ADAMTS16: variants seen among roughly 807,000 people sequenced by gnomAD.
ADAMTS16 encodes A disintegrin and metalloproteinase with thrombospondin motifs 16.
Under a neutral mutation model 145.8 loss-of-function variants are expected in ADAMTS16, and 94 were observed. The ratio of observed to expected loss-of-function variants is 0.64; its 90% CI spans 0.55 to 0.77. ADAMTS16 has a LOEUF of 0.77. Ranked by LOEUF, ADAMTS16 falls within the 30% of genes least tolerant of loss-of-function variation. ADAMTS16 has a pLI of 0.00. For synonymous variants in ADAMTS16, 659 were observed against 604.3 expected, an observed-to-expected ratio of 1.09 and a Z score of -1.33; for missense variants, 1,585 against 1,591.5, an observed-to-expected ratio of 1.00 and a Z score of 0.07.
chr5:5,142,679 A>G (rs1352925127), intron 2 of ADAMTS16, among the ~76,000 whole-genome samples: 4 of 152,168 alleles, frequency 2.6e-5, no homozygotes, highest in South Asian at 2.1e-4. Context: ...GTAGCCATAC[A>G]TTTTGTTTAA....
intron 6 of ADAMTS16, among the ~76,000 whole-genome samples, chr5:5,189,684 A>G (rs1344150526): frequency 1.3e-5 from 2 of 152,222 alleles, no homozygotes; most frequent in East Asian, 1.9e-4. Flanking sequence ...AAAACAAAAA[A>G]TTCATGCACA....
chr5:5,309,066 T>C (rs1740307740), intron 21 of ADAMTS16, among the ~76,000 whole-genome samples: 1 of 152,140 alleles, frequency 6.6e-6, no homozygotes, highest in African/African-American at 2.4e-5. Context: ...TTTACCAGTG[T>C]GCATATTCAC....
chr5:5,302,779 T>G (rs1739838671), intron 18 of ADAMTS16, among the ~76,000 whole-genome samples: 3 of 152,170 alleles, frequency 2.0e-5, no homozygotes, highest in Non-Finnish European at 4.4e-5. Flanking sequence ...GCTCTAGATG[T>G]TATGGTGATA....
intron 20 of ADAMTS16, 135 bp from the exon 21 acceptor site, chr5:5,306,369 G>T: frequency 1.3e-6 from 1 of 774,568 alleles, no homozygotes; most frequent in Non-Finnish European, 2.1e-6. Flanking sequence ...TCTTAAAAAT[G>T]CTAAGGTCCA....
chr5:5,160,714 G>T (rs577366272), intron 3 of ADAMTS16, among the ~76,000 whole-genome samples: 1 of 150,344 alleles, frequency 6.7e-6, no homozygotes, highest in South Asian at 2.1e-4. Context: ...TAGTGAAAGT[G>T]CACCTGATCT....
At chr5:5,152,875 T>C (rs1734511903) in intron 3 of ADAMTS16, among the ~76,000 whole-genome samples, 1 of 152,224 alleles carries the variant, frequency 6.6e-6, no homozygotes, top group African/African-American at 2.4e-5. Context: ...TGGGGTGAAA[T>C]CCCACATTGC....
At chr5:5,281,156 A>G (rs1738891442) in intron 18 of ADAMTS16, among the ~76,000 whole-genome samples, 1 of 152,242 alleles carries the variant, frequency 6.6e-6, no homozygotes, top group South Asian at 2.1e-4. Flanking sequence ...CATGAAGCCA[A>G]GAAAGCTGAA....
chr5:5,173,191 C>A (rs1029763366), intron 3 of ADAMTS16, among the ~76,000 whole-genome samples: 13 of 120,342 alleles, frequency 1.1e-4, no homozygotes, highest in African/African-American at 3.7e-4. Flanking sequence ...TTTTTTTTTT[C>A]TTAATCCATT....
At chr5:5,285,180 T>C (rs1739060056) in intron 18 of ADAMTS16, among the ~76,000 whole-genome samples, 1 of 152,220 alleles carries the variant, frequency 6.6e-6, no homozygotes, top group African/African-American at 2.4e-5. Flanking sequence ...CAAAGAGTGG[T>C]CCACACCCAT....
rs138732148 is a variant in ADAMTS16 at position 5,222,542 on chromosome 5, T to A, written c.1606-247T>A. On this transcript the variant is annotated intron_variant, in intron 10 of 22. Coordinates refer to ENST00000274181, the MANE Select transcript of ADAMTS16 (RefSeq NM_139056.4). ...ATTTTACATTTTAATTTAGAAAATA[T>A]AATTTTGTTAAAAAGATAATATATA... Among the ~76,000 whole-genome samples, 1,136 of 152,260 alleles carry A rather than the reference T, an allele frequency of 7.5e-3. 18 individuals carry two copies. The highest frequency in any genetic ancestry group is 0.026 in the African/African-American group (1,076 of 41,558).
At chr5:5,276,646 T>G (rs1318142139) in intron 18 of ADAMTS16, among the ~76,000 whole-genome samples, 1 of 152,148 alleles carries the variant, frequency 6.6e-6, no homozygotes, top group Non-Finnish European at 1.5e-5. Flanking sequence ...CACACTAGCA[T>G]GGACAGTCTC....
rs748823883 is a variant in ADAMTS16 at position 5,306,619 on chromosome 5, C to A, written c.3302C>A (p.Pro1101His). ...AAGAAGTGCTCACATTTGCCGAAGC[C>A]CAGCCTGGAGCTGGAACGTGCCTGC... ...ASKKCSHLPKPSLELERACAP... is the reference protein window; with the variant it reads ...ASKKCSHLPKHSLELERACAP... Residue 1101 changes from proline (P) to histidine (H), a missense_variant, in exon 21 of 23, where the codon CCC (proline) becomes CAC (histidine). Around this residue, in one of 3 missense-constraint regions of ADAMTS16, gnomAD observed 834 missense variants for 811.7 expected, o/e 1.03. Coordinates refer to ENST00000274181, the MANE Select transcript of ADAMTS16 (RefSeq NM_139056.4). The A allele has an allele frequency of 2.5e-6, 4 of 1,614,080 alleles. No homozygotes were observed. In the African/African-American group the frequency reaches 5.3e-5, roughly 22 times the overall value.
chr5:5,307,214 C>T (rs1740211047), intron 21 of ADAMTS16, among the ~76,000 whole-genome samples: 1 of 152,108 alleles, frequency 6.6e-6, no homozygotes, highest in African/African-American at 2.4e-5. Flanking sequence ...CCGCGCCTCC[C>T]ACCACCCCTG....
intron 21 of ADAMTS16, among the ~76,000 whole-genome samples, chr5:5,316,748 G>C (rs1397139693): frequency 6.6e-6 from 1 of 152,138 alleles, no homozygotes; most frequent in Non-Finnish European, 1.5e-5. Flanking sequence ...TCATGCATCA[G>C]GGGCCTGGGA....
At position 5,182,243 on chromosome 5, in the gene ADAMTS16, A is replaced by T; in HGVS notation, c.701A>T (p.His234Leu). Reference protein sequence around the residue: ...RTWELAHQPLHSSDLRLGLPQ... With the variant: ...RTWELAHQPLLSSDLRLGLPQ... The stretch of plus-strand genomic sequence containing the variant: ...TGGGAGCTGGCACATCAACCCCTGC[A>T]CAGCAGCGACCTTCGCCTGGGACTG... Residue 234 changes from histidine to leucine, a missense_variant, in exon 4 of 23, where the codon CAC becomes CTC. Transcript: ENST00000274181. 3 of 1,614,162 alleles carry T rather than the reference A, an allele frequency of 1.9e-6. No homozygotes were observed. The highest frequency in any genetic ancestry group is 2.2e-5 in the South Asian group (2 of 91,086).
chr5:5,218,319 A>G (rs1202399649), intron 10 of ADAMTS16, among the ~76,000 whole-genome samples: 1 of 152,130 alleles, frequency 6.6e-6, no homozygotes, highest in Non-Finnish European at 1.5e-5. Flanking sequence ...GAAGAGTTCC[A>G]TTTTCCCCCT....
chr5:5,247,392 G>A lies in ADAMTS16; in HGVS notation c.2662+5201G>A, dbSNP rs1737479883. The stretch of plus-strand genomic sequence containing the variant: ...TCCCAACCCCTTTCTTCCCAAAAAA[G>A]CAGAGAGAAAAACAAAGGTTTGTTT... On this transcript the variant is annotated intron_variant, in intron 17 of 22. Coordinates refer to ENST00000274181, the MANE Select transcript of ADAMTS16 (RefSeq NM_139056.4). Among the ~76,000 whole-genome samples, 5 of 151,188 alleles carry A rather than the reference G, an allele frequency of 3.3e-5. No homozygotes were observed. The South Asian group carries it at 1.0e-3, about 32-fold the overall frequency.
rs200610286 is a variant in ADAMTS16 at position 5,144,128 on chromosome 5, A to AAC, written c.176-2001_176-2000insCA. 3.0e-3 allele frequency among the ~76,000 whole-genome samples: 451 copies of AAC among 151,946 alleles called. 2 individuals carry two copies. Among genetic ancestry groups the AAC allele is most frequent in the African/African-American group, 0.01 (421 of 41,396 alleles). On this transcript the variant is annotated intron_variant, in intron 2 of 22. Transcript: ENST00000274181. ...TATCCCAGAACTTAAATTATAACAAAAAAAAAATCAATGGTCACATGCTCA... is the reference window on the plus strand; with the variant it reads ...TATCCCAGAACTTAAATTATAACAAAACAAAAAAATCAATGGTCACATGCTCA...
intron 3 of ADAMTS16, among the ~76,000 whole-genome samples, chr5:5,174,812 T>A (rs993823569): frequency 1.3e-5 from 2 of 152,222 alleles, no homozygotes; most frequent in Non-Finnish European, 2.9e-5. Context: ...TTTCAATCTC[T>A]TTGTTAAATG....
Sources: allele counts gnomAD v4.1 joint callset (sites outside exome capture counted in the v4.1 genomes callset), GRCh38; gene constraint gnomAD v4.1.1; regional missense constraint gnomAD v4.1.1; transcripts MANE v1.5; gene names NCBI Gene and HGNC (gene_info 2026-07-23, HGNC 2026-07-21).